The following XCR1 variants were observed in gnomAD, a reference collection of about 807,000 sequenced individuals.
XCR1 encodes chemokine XC receptor 1.
For missense variants in XCR1, 356 were observed against 424.2 expected (o/e 0.84, Z 1.41); for synonymous variants, 187 against 188.5 (o/e 0.99, Z 0.06).
At chr3:46,050,001 G>A (rs1194090152) in intron 5 of XCR1, among the ~76,000 whole-genome samples, 1 of 152,186 alleles carries the variant, frequency 6.6e-6, no homozygotes, top group Non-Finnish European at 1.5e-5. Context: ...GTCACAATTT[G>A]TGTAATTAAA....
intron 5 of XCR1, among the ~76,000 whole-genome samples, chr3:46,046,952 A>C (rs1423306679): frequency 5.9e-5 from 9 of 152,244 alleles, no homozygotes. Context: ...TTATATTTTA[A>C]GTTGGTTACA....
chr3:46,052,209 A>T (rs1697760374), intron 5 of XCR1, among the ~76,000 whole-genome samples: 1 of 152,066 alleles, frequency 6.6e-6, no homozygotes. Context: ...CCCCCAACTA[A>T]TGTAACCCTT....
chr3:46,064,146 T>A (rs1698016936), intron 4 of XCR1, among the ~76,000 whole-genome samples: 1 of 152,358 alleles, frequency 6.6e-6, no homozygotes, highest in Non-Finnish European at 1.5e-5. Flanking sequence ...GTGCTGGGAT[T>A]ACATGTGTAA....
rs754781279 is a variant in XCR1 at position 46,021,908 on chromosome 3, A to C, written c.40T>G (p.Tyr14Asp). Residue 14 changes from tyrosine to aspartate, a missense_variant, in exon 2 of 2, where the codon TAC becomes GAC. Transcript: ENST00000309285. The surrounding 1 kb of genome is among the most constrained non-coding windows in gnomAD (Gnocchi z 4.7). ...SGNPESTTFF[Y>D]YDLQSQPCEN... ...CACGGCTGGCTCTGAAGGTCATAGT[A>C]AAAAAAGGTGGTGCTCTCTGGGTTG... The C allele has an allele frequency of 6.8e-6, 11 of 1,613,324 alleles. No individual in the cohort carries two copies. In the Admixed American group the frequency reaches 1.2e-4, roughly 17 times the overall value.
At chr3:46,039,789 T>C (rs570199944) in intron 5 of XCR1, among the ~76,000 whole-genome samples, 78 of 152,288 alleles carry the variant, frequency 5.1e-4, no homozygotes, top group African/African-American at 1.9e-3. Context: ...AGGATCAATT[T>C]TGAGGGATAA....
At chr3:46,041,576 A>G (rs1443210518) in intron 5 of XCR1, among the ~76,000 whole-genome samples, 1 of 152,232 alleles carries the variant, frequency 6.6e-6, no homozygotes, top group Non-Finnish European at 1.5e-5. Flanking sequence ...ATCAATGACC[A>G]GATTCCCCAT....
At chr3:46,058,629 C>T (rs1212481366) in intron 4 of XCR1, among the ~76,000 whole-genome samples, 1 of 152,192 alleles carries the variant, frequency 6.6e-6, no homozygotes, top group East Asian at 1.9e-4. Flanking sequence ...CTTAGTGCAG[C>T]TTCTACCTCC....
At chr3:46,056,842 A>G (rs59065510) in intron 4 of XCR1, among the ~76,000 whole-genome samples, 17,666 of 152,024 alleles carry the variant, frequency 0.12, 3,455 homozygotes, top group African/African-American at 0.4. Context: ...CCTAGGAGTC[A>G]TCTGGCTCCT....
chr3:46,034,438 C>G lies in XCR1; in HGVS notation c.-31-12460G>C, dbSNP rs1346430987. Among the ~76,000 whole-genome samples, 4 of 146,290 alleles carry G rather than the reference C, an allele frequency of 2.7e-5. No individual in the cohort carries two copies. The East Asian group carries it at 8.5e-4, about 31-fold the overall frequency. ...ATCTCTTCTTTCCCAATCTTTATAC[C>G]TTTTATTTCCTTTTTTTTTTGTTTT... On this transcript the variant is annotated intron_variant, in intron 5 of 5. Transcript: ENST00000683768.
intron 2 of XCR1, among the ~76,000 whole-genome samples, chr3:46,076,216 A>G (rs1431196437): frequency 3.3e-5 from 5 of 152,222 alleles, no homozygotes; most frequent in African/African-American, 1.2e-4. Context: ...ATGTGGTCCT[A>G]CAATTTAGGC....
chr3:46,057,936 G>C (rs4094197), intron 4 of XCR1, among the ~76,000 whole-genome samples: 68,955 of 113,854 alleles, frequency 0.61, 18,188 homozygotes, highest in East Asian at 0.82. Flanking sequence ...ATCTATCTAC[G>C]CATCCATCTA....
intron 1 of XCR1, among the ~76,000 whole-genome samples, chr3:46,026,497 C>T (rs1708290112): frequency 6.6e-6 from 1 of 152,004 alleles, no homozygotes; most frequent in Non-Finnish European, 1.5e-5. Flanking sequence ...GCCAAATAAA[C>T]CTCTCTACTT....
chr3:46,082,476 C>CTTTT (rs61282576), intron 1 of XCR1, among the ~76,000 whole-genome samples: 2 of 100,036 alleles, frequency 2.0e-5, no homozygotes, highest in South Asian at 3.9e-4. Flanking sequence ...AATCAGGCTC[C>CTTTT]TTTTTTTTTT....
At chr3:46,050,937 A>G (rs567265554) in intron 5 of XCR1, among the ~76,000 whole-genome samples, 154 of 152,338 alleles carry the variant, frequency 1.0e-3, no homozygotes, top group African/African-American at 3.6e-3. Flanking sequence ...GGAATAACAA[A>G]TACCGGTGAA....
chr3:46,081,580 G>T (rs2125904780), intron 1 of XCR1, among the ~76,000 whole-genome samples: 1 of 152,218 alleles, frequency 6.6e-6, no homozygotes, highest in Admixed American at 6.5e-5. Flanking sequence ...CTTTTTAAAG[G>T]TCTCTGATGT....
intron 2 of XCR1, among the ~76,000 whole-genome samples, chr3:46,075,279 A>T (rs2088694): frequency 2.2e-5 from 3 of 134,824 alleles, no homozygotes; most frequent in Non-Finnish European, 4.6e-5. Flanking sequence ...TTCAACAAAT[A>T]GTGCTAGAGC....
intron 4 of XCR1, among the ~76,000 whole-genome samples, chr3:46,060,850 T>C (rs1343521779): frequency 6.6e-6 from 1 of 152,176 alleles, no homozygotes; most frequent in Non-Finnish European, 1.5e-5. Flanking sequence ...GCCACCATAA[T>C]TGAGTCTTCA....
intron 5 of XCR1, among the ~76,000 whole-genome samples, chr3:46,046,391 A>T (rs1657460933): frequency 6.6e-6 from 1 of 152,218 alleles, no homozygotes; most frequent in Non-Finnish European, 1.5e-5. Flanking sequence ...TGCATTCTCT[A>T]GATGTCCCAG....
In XCR1 at chr3:46,019,939, A is replaced by G. The variant is rs1010566129; in HGVS notation, c.*1007T>C. ...ACTCTGAAAGCCACTAGACAGGCAT[A>G]GTCATTTGGACCTGGCTGTGGGAGT... On this transcript the variant is annotated 3_prime_UTR_variant, in exon 2 of 2. Coordinates refer to ENST00000309285, the MANE Select transcript of XCR1 (RefSeq NM_001024644.2). The G allele has an allele frequency of 6.6e-6, 1 of 151,854 alleles. No individual in the cohort carries two copies. Among genetic ancestry groups the G allele is most frequent in the African/African-American group, 2.4e-5 (1 of 41,368 alleles). 9.4% of individuals were successfully genotyped at this position (151,854 alleles called of 1,614,324 possible). A position where few individuals can be genotyped will look rare whatever the true frequency, so the allele number is the denominator to read the frequency against.
Sources: allele counts gnomAD v4.1 joint callset (sites outside exome capture counted in the v4.1 genomes callset), GRCh38; gene constraint gnomAD v4.1.1; non-coding constraint Gnocchi (gnomAD v3.1); transcripts MANE v1.5; gene names NCBI Gene and HGNC (gene_info 2026-07-23, HGNC 2026-07-21).